DPH7: variants seen among roughly 807,000 people sequenced by gnomAD.
The protein encoded by DPH7 is diphthamide biosynthesis 7, also known as diphthine methyltransferase.
A neutral mutation model predicts 41.7 loss-of-function variants in DPH7; 44 were observed. The ratio of observed to expected loss-of-function variants is 1.05; its 90% CI spans 0.83 to 1.36. The LOEUF is 1.36. Among genes scored for constraint, DPH7 ranks in the 40% most tolerant of loss-of-function variants. The pLI is 0.00. For missense variants in DPH7, 629 were observed against 577.5 expected, an observed-to-expected ratio of 1.09 and a Z score of -0.91; for synonymous variants, 275 against 238.0, an observed-to-expected ratio of 1.16 and a Z score of -1.43.
chr9:137,565,029 A>G (rs190720060), intron 6 of DPH7, 56 bp downstream of exon 6: 1 of 1,611,896 alleles, frequency 6.2e-7, no homozygotes, highest in East Asian at 2.2e-5. Context: ...AGGGCTGGTG[A>G]CCCAGGGAAC....
chr9:137,574,500 G>A (rs967176030), intron 4 of DPH7, 120 bp from the exon 5 acceptor site: 2 of 1,080,058 alleles, frequency 1.9e-6, no homozygotes, highest in Admixed American at 5.2e-5. Flanking sequence ...TGCCCCTTAA[G>A]AGACTGGCGG....
chr9:137,569,301 A>C (rs1588888136), intron 5 of DPH7, among the ~76,000 whole-genome samples: 1 of 47,208 alleles, frequency 2.1e-5, no homozygotes, highest in Non-Finnish European at 4.0e-5. Context: ...CCATCCATCC[A>C]CCCATGCCCC....
intron 8 of DPH7, among the ~76,000 whole-genome samples, chr9:137,558,756 G>T (rs1306476356): frequency 6.6e-6 from 1 of 151,736 alleles, no homozygotes; most frequent in Non-Finnish European, 1.5e-5. Flanking sequence ...TATTTTTTTT[G>T]AGACGGAGTG....
rs114136335 is a variant in DPH7 at position 137,578,920 on chromosome 9, G to T, written c.-143C>A. ...ACCGTCAGCGCGGGCCGCCTCTCTCGCGACTCCTTCCGGGGTGCCGGGGCG... is the reference window on the plus strand; with the variant it reads ...ACCGTCAGCGCGGGCCGCCTCTCTCTCGACTCCTTCCGGGGTGCCGGGGCG... On this transcript the variant is annotated 5_prime_UTR_variant, in exon 1 of 9. Coordinates refer to ENST00000277540, the MANE Select transcript of DPH7 (RefSeq NM_138778.5). 3.2e-3 allele frequency: 2,873 copies of T among 908,116 alleles called. 58 individuals carry two copies. In the African/African-American group the frequency reaches 0.044, roughly 14 times the overall value. 56.3% of individuals were successfully genotyped at this position (908,116 alleles called of 1,614,324 possible). A position where few individuals can be genotyped will look rare whatever the true frequency, so the allele number is the denominator to read the frequency against.
At chr9:137,555,757 A>T in intron 8 of DPH7, 109 bp from the exon 9 acceptor site, 1 of 1,287,604 alleles carries the variant, frequency 7.8e-7, no homozygotes, top group Non-Finnish European at 1.0e-6. Context: ...ACAGGTCAGC[A>T]AGTGTTTCCT....
At chr9:137,561,474 T>C (rs1377865465) in intron 8 of DPH7, among the ~76,000 whole-genome samples, 1 of 134,320 alleles carries the variant, frequency 7.4e-6, no homozygotes, top group Non-Finnish European at 1.5e-5. Context: ...ACCCGGAAGG[T>C]GGAGGTTGCA....
chr9:137,564,597 T>C lies in DPH7; in HGVS notation c.786A>G (p.Glu262=), dbSNP rs1839235017. 2 of 1,611,468 alleles carry C rather than the reference T, an allele frequency of 1.2e-6. No homozygotes were observed. The highest frequency in any genetic ancestry group is 1.3e-5 in the African/African-American group (1 of 74,862). Residue 262 remains glutamate, a synonymous_variant, in exon 8 of 9, where the codon GAA becomes GAG. Transcript: ENST00000277540. ...TTCGTGTGTCCCACAGTAGGATGTG[T>C]TCATCATAGCTGAAACCGACCAACC... ...EHILATGSYD[E]HILLWDTRNM... is the part of the protein sequence containing the mutation.
intron 5 of DPH7, 144 bp downstream of exon 5, chr9:137,574,064 C>CAA: frequency 1.5e-5 from 13 of 849,430 alleles, no homozygotes; most frequent in Non-Finnish European, 1.9e-5. Flanking sequence ...GACTCAGTTT[C>CAA]AAAAAAAAAA....
chr9:137,565,308 A>ACT (rs71493674), intron 5 of DPH7, 154 bp from the exon 6 acceptor site: 10,651 of 118,906 alleles, frequency 0.09, 1,309 homozygotes, highest in Non-Finnish European at 0.099. Context: ...CCCCTGGGTG[A>ACT]CTGTCTGTGA....
At position 137,555,590 on chromosome 9, in the gene DPH7, A is replaced by G. The variant is rs778235670; in HGVS notation, c.1008T>C (p.Tyr336=). The G allele has an allele frequency of 1.5e-4, 234 of 1,613,056 alleles. No homozygotes were observed. The highest frequency in any genetic ancestry group is 1.8e-4 in the Non-Finnish European group (208 of 1,179,570). Residue 336 remains tyrosine (Y), a synonymous_variant, in exon 9 of 9, where the codon TAT becomes TAC. Coordinates refer to ENST00000277540, the MANE Select transcript of DPH7 (RefSeq NM_138778.5). ...AGAGCAGCCAGGACCAGTCGGCTCC[A>G]TACACCAGCGAGTCGGGCAATGTGT... ...TSHTLPDSLV[Y]GADWSWLLFR... is the part of the protein sequence containing the mutation.
chr9:137,564,737 C>T lies in DPH7; in HGVS notation c.777-131G>A, dbSNP rs1839267726. 3 of 1,444,322 alleles carry T rather than the reference C, an allele frequency of 2.1e-6. No homozygotes were observed. In the East Asian group the frequency reaches 6.9e-5, roughly 33 times the overall value. 89.5% of individuals were successfully genotyped at this position (1,444,322 alleles called of 1,614,324 possible). On this transcript the variant is annotated intron_variant, in intron 7 of 8. Coordinates refer to ENST00000277540, the MANE Select transcript of DPH7 (RefSeq NM_138778.5). Reference sequence around the variant, plus strand: ...TCCCTCGAGGACAAAGTCCCCTTTACCAAACCCATATACCTACACTCCGGC... The same window carrying T: ...TCCCTCGAGGACAAAGTCCCCTTTATCAAACCCATATACCTACACTCCGGC...
chr9:137,564,743 C>T, intron 7 of DPH7, 137 bp from the exon 8 acceptor site: 1 of 1,436,794 alleles, frequency 7.0e-7, no homozygotes, highest in East Asian at 2.3e-5. Context: ...TTTACCAAAC[C>T]CATATACCTA....
At chr9:137,557,194 G>A (rs1003974842) in intron 8 of DPH7, among the ~76,000 whole-genome samples, 2 of 152,182 alleles carry the variant, frequency 1.3e-5, no homozygotes, top group African/African-American at 2.4e-5. Flanking sequence ...GTCAGCCACC[G>A]CACCCAGACA....
At chr9:137,577,153 C>T (rs898784466) in intron 2 of DPH7, among the ~76,000 whole-genome samples, 3 of 152,092 alleles carry the variant, frequency 2.0e-5, no homozygotes, top group African/African-American at 7.2e-5. Context: ...CATTGTTGAC[C>T]AAAACATAAT....
rs140349182 is a variant in DPH7, at chr9:137,574,341, G to A, written c.507C>T (p.Ser169=). The A allele has an allele frequency of 5.3e-4, 852 of 1,614,158 alleles. 2 individuals carry two copies. In the African/African-American group the frequency reaches 9.4e-3, roughly 18 times the overall value. ...DQPLKIISSD[S]TGQLHLLMVN... is the part of the protein sequence containing the mutation. ...CCATCAGGAGGTGGAGCTGCCCTGT[G>A]GAGTCACTGCTGATGATCTTCAAGG... The change falls in exon 5 of 9, where the codon TCC becomes TCT. Residue 169 remains serine (S), a synonymous_variant. Coordinates refer to ENST00000277540, the MANE Select transcript of DPH7 (RefSeq NM_138778.5).
rs759478518 is a variant in DPH7 at position 137,564,933 on chromosome 9, G to A, written c.736C>T (p.Gln246Ter). 6.3e-7 allele frequency: 1 copy of A among 1,596,864 alleles called. No individual in the cohort carries two copies. Among genetic ancestry groups the A allele is most frequent in the Admixed American group, 1.7e-5 (1 of 57,448 alleles). The change falls in exon 7 of 9, where the codon CAG becomes TAG. Residue 246 changes from glutamine (Q) to a stop codon, truncating the protein, a stop_gained. Transcript: ENST00000277540. LOFTEE classifies it high-confidence loss of function. ...ATGTGCTCCCGATGAGGGCTGCTCT[G>A]GATGCTGCACACACCCATGGTGTGT... ...KRHTMGVCSI[Q>*]SSPHREHILA...
At chr9:137,577,173 C>T (rs1353930046) in intron 2 of DPH7, among the ~76,000 whole-genome samples, 2 of 152,158 alleles carry the variant, frequency 1.3e-5, no homozygotes, top group African/African-American at 4.8e-5. Flanking sequence ...TTATGCCACA[C>T]ACCACTGCAT....
chr9:137,575,017 C>T (rs955030685), intron 3 of DPH7, 174 bp from the exon 4 acceptor site: 28 of 1,410,808 alleles, frequency 2.0e-5, no homozygotes, highest in Middle Eastern at 4.7e-4. Context: ...CTAGGGGCCC[C>T]GAGAAGACCT....
rs574329558 is a variant in DPH7 at position 137,576,068 on chromosome 9, C to T, written c.375+12G>A. ...TCCCTTCTGCCCCACAGAACAAGTGCAAGTCACTGACCTCAGATTCCACCA... is the reference window on the plus strand; with the variant it reads ...TCCCTTCTGCCCCACAGAACAAGTGTAAGTCACTGACCTCAGATTCCACCA... On this transcript the variant is annotated intron_variant, in intron 3 of 8. Transcript: ENST00000277540. The T allele has an allele frequency of 1.9e-5, 30 of 1,613,888 alleles. No individual in the cohort carries two copies. In the South Asian group the frequency reaches 3.1e-4, roughly 17 times the overall value.
Sources: allele counts gnomAD v4.1 joint callset (sites outside exome capture counted in the v4.1 genomes callset), GRCh38; gene constraint gnomAD v4.1.1; transcripts MANE v1.5; gene names NCBI Gene and HGNC (gene_info 2026-07-23, HGNC 2026-07-21).